Variants in RELN observed in about 807,000 individuals in gnomAD.
The protein encoded by RELN is reelin.
A neutral mutation model predicts 427.6 loss-of-function variants in RELN; 108 were observed. The observed-to-expected ratio is 0.25, with a 90% CI of 0.22 to 0.30. RELN has a LOEUF of 0.30. Ranked by LOEUF, RELN falls within the 10% of genes least tolerant of loss-of-function variation. The pLI, the probability that RELN is intolerant of heterozygous loss-of-function variation, is 1.00. For missense variants in RELN, 3,715 were observed against 4,302.8 expected, an observed-to-expected ratio of 0.86 and a Z score of 3.82; for synonymous variants, 1,524 against 1,513.4, an observed-to-expected ratio of 1.01 and a Z score of -0.16.
chr7:103,883,729 AC>A (rs1224701244), intron 2 of RELN, among the ~76,000 whole-genome samples: 1 of 152,222 alleles, frequency 6.6e-6, no homozygotes, highest in Non-Finnish European at 1.5e-5. Context: ...CTTACATGGG[AC>A]ATGAAGGACC....
At chr7:103,743,725 T>G (rs1790734679) in intron 6 of RELN, among the ~76,000 whole-genome samples, 1 of 152,168 alleles carries the variant, frequency 6.6e-6, no homozygotes, top group Non-Finnish European at 1.5e-5. Flanking sequence ...ATCCTAAATA[T>G]ATATGCACCC....
intron 1 of RELN, among the ~76,000 whole-genome samples, chr7:103,979,682 A>C (rs1353550103): frequency 2.0e-5 from 3 of 152,248 alleles, no homozygotes; most frequent in African/African-American, 7.2e-5. Context: ...CACATCATTC[A>C]GTTTCACAGG....
At chr7:103,935,110 C>A (rs1795951877) in intron 1 of RELN, among the ~76,000 whole-genome samples, 1 of 152,172 alleles carries the variant, frequency 6.6e-6, no homozygotes, top group African/African-American at 2.4e-5. Flanking sequence ...TTATCTGTAT[C>A]CCAAGAATTT....
intron 2 of RELN, among the ~76,000 whole-genome samples, chr7:103,904,208 G>A (rs980010478): frequency 6.6e-6 from 1 of 152,102 alleles, no homozygotes; most frequent in Non-Finnish European, 1.5e-5. Context: ...TGGCTGCACA[G>A]TATTCCATAG....
At chr7:103,796,895 G>A (rs262331) in intron 3 of RELN, among the ~76,000 whole-genome samples, 68,821 of 105,506 alleles carry the variant, frequency 0.65, 24,659 homozygotes, top group East Asian at 0.83. Flanking sequence ...AAAAAAAAAA[G>A]AAAGAAAGAA....
intron 51 of RELN, 100 bp from the exon 52 acceptor site, chr7:103,503,330 C>T: frequency 1.1e-6 from 1 of 900,212 alleles, no homozygotes; most frequent in Middle Eastern, 2.2e-4. Context: ...TTGATATACA[C>T]TGTACCACAT....
intron 1 of RELN, among the ~76,000 whole-genome samples, chr7:103,946,045 T>C (rs1336233667): frequency 6.6e-6 from 1 of 152,182 alleles, no homozygotes; most frequent in Admixed American, 6.5e-5. Flanking sequence ...ATGGCTGTGA[T>C]TACTTGTTCA....
chr7:103,734,339 G>A (rs941864632), intron 6 of RELN, among the ~76,000 whole-genome samples: 1 of 151,268 alleles, frequency 6.6e-6, no homozygotes, highest in Non-Finnish European at 1.5e-5. Context: ...CTGCCTAATA[G>A]TAAAAGTAAT....
rs1178697105 is a variant in RELN, at chr7:103,604,338, G to A, written c.3146+8C>T. 6.2e-7 allele frequency: 1 copy of A among 1,613,606 alleles called. No homozygotes were observed. The highest frequency in any genetic ancestry group is 8.5e-7 in the Non-Finnish European group (1 of 1,179,810). On this transcript the variant is annotated splice_region_variant and intron_variant, in intron 23 of 64. Transcript: ENST00000428762. ...CATGGACCTCATCGTGCTTTCTGGTGCACATACCTGCATATGCCATGATCG... is the reference window on the plus strand; with the variant it reads ...CATGGACCTCATCGTGCTTTCTGGTACACATACCTGCATATGCCATGATCG...
intron 11 of RELN, among the ~76,000 whole-genome samples, chr7:103,673,236 A>G (rs1286331950): frequency 6.6e-6 from 1 of 152,068 alleles, no homozygotes; most frequent in Non-Finnish European, 1.5e-5. Context: ...TCTTTGTTCT[A>G]ATTTTAACCT....
rs1309521769 is a variant in RELN, at chr7:103,515,171, T to G, written c.8119+14A>C. On this transcript the variant is annotated intron_variant, in intron 50 of 64. Coordinates refer to ENST00000428762, the MANE Select transcript of RELN (RefSeq NM_005045.4). The stretch of plus-strand genomic sequence containing the variant: ...TTCCACTGGGCTTTTTATTTAGCGC[T>G]GTGCATAATTTACCTGAAGTTTTGT... 35 of 1,614,116 alleles carry G rather than the reference T, an allele frequency of 2.2e-5. No homozygotes were observed. Among genetic ancestry groups the G allele is most frequent in the Non-Finnish European group, 2.9e-5 (34 of 1,180,054 alleles).
intron 63 of RELN, 91 bp downstream of exon 63, chr7:103,482,782 A>G: frequency 6.3e-7 from 1 of 1,599,540 alleles, no homozygotes. Flanking sequence ...CTCATCAAAA[A>G]CGGATCTTAC....
At chr7:103,515,039 G>T in intron 50 of RELN, 146 bp downstream of exon 50, 1 of 990,676 alleles carries the variant, frequency 1.0e-6, no homozygotes, top group Non-Finnish European at 1.5e-6. Context: ...GGAAGGCTGA[G>T]AGGAACAAAA....
chr7:103,566,370 C>A lies in RELN; in HGVS notation c.4790G>T (p.Gly1597Val). The A allele has an allele frequency of 6.2e-7, 1 of 1,614,124 alleles. No homozygotes were observed. The highest frequency in any genetic ancestry group is 8.5e-7 in the Non-Finnish European group (1 of 1,180,002). ...AQWALDDVLI[G>V]MNDSSQTGFQ... ...TCCAGTTTGAGAGCTGTCATTCATT[C>A]CTATAAGAACATCATCCAAAGCCCA... is the stretch of plus-strand genomic sequence containing the variant. The change falls in exon 33 of 65, where the codon GGA becomes GTA. Residue 1597 changes from glycine to valine, a missense_variant. Around this residue, in one of 4 missense-constraint regions of RELN, gnomAD observed 2,208 missense variants for 2,361.7 expected, o/e 0.93. Coordinates refer to ENST00000428762, the MANE Select transcript of RELN (RefSeq NM_005045.4).
chr7:103,564,498 G>A (rs1830705018), intron 34 of RELN, among the ~76,000 whole-genome samples: 1 of 152,224 alleles, frequency 6.6e-6, no homozygotes, highest in Non-Finnish European at 1.5e-5. Flanking sequence ...GTCACCTGGA[G>A]GGCCACCCAG....
At chr7:103,651,632 T>C in intron 15 of RELN, 29 bp downstream of exon 15, 1 of 1,604,074 alleles carries the variant, frequency 6.2e-7, no homozygotes, top group Non-Finnish European at 8.5e-7. Flanking sequence ...GATTCAAGTA[T>C]TTCAATATCT....
chr7:103,750,740 CTTT>C (rs1252364968), intron 5 of RELN, among the ~76,000 whole-genome samples: 9 of 152,238 alleles, frequency 5.9e-5, no homozygotes, highest in Admixed American at 1.3e-4. Context: ...AATTTGTGAA[CTTT>C]TTTTCTCTTT....
intron 8 of RELN, among the ~76,000 whole-genome samples, chr7:103,713,660 C>A (rs1584428813): frequency 7.0e-6 from 1 of 143,640 alleles, no homozygotes; most frequent in Admixed American, 6.9e-5. Context: ...GGCATTTATC[C>A]TTTTTTTTTT....
intron 36 of RELN, among the ~76,000 whole-genome samples, chr7:103,560,699 A>T (rs1442415190): frequency 6.6e-6 from 1 of 152,214 alleles, no homozygotes; most frequent in Non-Finnish European, 1.5e-5. Context: ...TAATTTCTTC[A>T]GTCCCTCAAA....
Sources: allele counts gnomAD v4.1 joint callset (sites outside exome capture counted in the v4.1 genomes callset), GRCh38; gene constraint gnomAD v4.1.1; regional missense constraint gnomAD v4.1.1; transcripts MANE v1.5; gene names NCBI Gene and HGNC (gene_info 2026-07-23, HGNC 2026-07-21).